The following ARHGEF3 variants were observed in gnomAD, a reference collection of about 807,000 sequenced individuals.
ARHGEF3 encodes the protein 59.8 kDA protein.
A neutral mutation model predicts 63.2 loss-of-function variants in ARHGEF3; 28 were observed. That is an observed-to-expected ratio of 0.44 (90% confidence interval 0.33 to 0.61). The LOEUF (loss-of-function observed/expected upper bound fraction) is 0.61, where lower values mean the gene tolerates loss of function less well. ARHGEF3 is among the 20% of genes least tolerant of loss of function. The pLI, the probability that ARHGEF3 is intolerant of heterozygous loss-of-function variation, is 0.03. For synonymous variants in ARHGEF3, 266 were observed against 254.2 expected (o/e 1.05, Z -0.44); for missense variants, 533 against 659.3 (o/e 0.81, Z 2.10).
intron 1 of ARHGEF3, among the ~76,000 whole-genome samples, chr3:56,780,140 CATT>C (rs1192655320): frequency 6.6e-6 from 1 of 152,198 alleles, no homozygotes; most frequent in Non-Finnish European, 1.5e-5. Flanking sequence ...ACCTCTGCTT[CATT>C]ATTCTGCCCA....
intron 3 of ARHGEF3, among the ~76,000 whole-genome samples, chr3:56,944,777 C>T (rs1362852618): frequency 1.3e-5 from 2 of 151,854 alleles, no homozygotes; most frequent in Admixed American, 6.6e-5. Flanking sequence ...CGGGGTTTCA[C>T]CATGCTGGCC....
chr3:57,015,173 A>G (rs76753694), intron 2 of ARHGEF3, among the ~76,000 whole-genome samples: 2,601 of 152,352 alleles, frequency 0.017, 37 homozygotes, highest in Non-Finnish European at 0.029. Context: ...GTAAATGACT[A>G]GGACTGCTTT....
chr3:56,774,610 A>G (rs1490094123), intron 1 of ARHGEF3, among the ~76,000 whole-genome samples: 1 of 152,212 alleles, frequency 6.6e-6, no homozygotes, highest in African/African-American at 2.4e-5. Flanking sequence ...ATAAATAAAA[A>G]TAACAGCCTG....
chr3:56,773,627 G>A, intron 2 of ARHGEF3, 82 bp downstream of exon 2: 1 of 1,228,660 alleles, frequency 8.1e-7, no homozygotes, highest in South Asian at 1.6e-5. Context: ...TTGAAACCAG[G>A]GGAAATTCTA....
intron 4 of ARHGEF3, among the ~76,000 whole-genome samples, chr3:56,860,839 G>A (rs930097004): frequency 3.9e-5 from 6 of 152,138 alleles, no homozygotes; most frequent in African/African-American, 1.2e-4. Flanking sequence ...TGATTAATAC[G>A]TGCCAAGTTC....
intron 1 of ARHGEF3, among the ~76,000 whole-genome samples, chr3:57,066,729 T>C (rs1174170795): frequency 6.6e-6 from 1 of 152,212 alleles, no homozygotes; most frequent in African/African-American, 2.4e-5. Context: ...TTTAAATCAG[T>C]GGACTTAGAG....
chr3:56,966,447 AT>A (rs1700498636), intron 2 of ARHGEF3, among the ~76,000 whole-genome samples: 1 of 152,194 alleles, frequency 6.6e-6, no homozygotes, highest in Admixed American at 6.5e-5. Flanking sequence ...ATGAAAATAT[AT>A]TGTGGATTTA....
chr3:56,821,454 C>G (rs2038491080), intron 4 of ARHGEF3, among the ~76,000 whole-genome samples: 1 of 152,146 alleles, frequency 6.6e-6, no homozygotes, highest in Non-Finnish European at 1.5e-5. Flanking sequence ...GGTGAGGGTA[C>G]AGTTTCTCCA....
At chr3:56,842,990 C>T (rs2039367640) in intron 4 of ARHGEF3, among the ~76,000 whole-genome samples, 1 of 152,196 alleles carries the variant, frequency 6.6e-6, no homozygotes, top group Admixed American at 6.5e-5. Flanking sequence ...AACCCTCAAA[C>T]TTCTAGTTAT....
intron 2 of ARHGEF3, among the ~76,000 whole-genome samples, chr3:56,762,132 A>G (rs1379056708): frequency 6.6e-6 from 1 of 152,102 alleles, no homozygotes; most frequent in East Asian, 1.9e-4. Context: ...GACATTGCCA[A>G]ATGTTCCTGG....
chr3:56,934,839 T>C (rs1442783748), intron 3 of ARHGEF3, among the ~76,000 whole-genome samples: 2 of 152,318 alleles, frequency 1.3e-5, no homozygotes, highest in East Asian at 1.9e-4. Context: ...ACCCAAGGGC[T>C]GAGGAGCGCG....
intron 4 of ARHGEF3, among the ~76,000 whole-genome samples, chr3:56,864,564 C>T (rs752876089): frequency 6.6e-6 from 1 of 152,154 alleles, no homozygotes; most frequent in Non-Finnish European, 1.5e-5. Context: ...TAACATCTGC[C>T]TCCATAATTG....
At chr3:56,874,829 TA>T (rs1241811396) in intron 4 of ARHGEF3, among the ~76,000 whole-genome samples, 2 of 152,206 alleles carry the variant, frequency 1.3e-5, no homozygotes, top group Non-Finnish European at 2.9e-5. Context: ...TAAATTTACA[TA>T]CTGTGACTTT....
chr3:56,856,366 A>C (rs1375865549), intron 4 of ARHGEF3, among the ~76,000 whole-genome samples: 1 of 152,248 alleles, frequency 6.6e-6, no homozygotes, highest in Admixed American at 6.5e-5. Flanking sequence ...CAGAGCTTTC[A>C]AGGGCTGACA....
intron 2 of ARHGEF3, among the ~76,000 whole-genome samples, chr3:56,996,887 A>ATTTTTT (rs199994465): frequency 1.6e-4 from 16 of 102,568 alleles, no homozygotes; most frequent in Middle Eastern, 5.0e-3. Context: ...TATTATTATT[A>ATTTTTT]TTATTTTTTT....
chr3:56,932,100 C>T (rs532823671), intron 3 of ARHGEF3, among the ~76,000 whole-genome samples: 2 of 152,264 alleles, frequency 1.3e-5, no homozygotes, highest in East Asian at 3.9e-4. Context: ...GGGATTTAGT[C>T]CAATTCATTG....
At chr3:56,758,414 A>T (rs1446242445) in intron 2 of ARHGEF3, among the ~76,000 whole-genome samples, 1 of 152,002 alleles carries the variant, frequency 6.6e-6, no homozygotes, top group Middle Eastern at 3.2e-3. Context: ...ACGTAGCAAG[A>T]CCTCATTTCA....
chr3:57,071,992 C>T (rs887845510), intron 1 of ARHGEF3, among the ~76,000 whole-genome samples: 5 of 152,088 alleles, frequency 3.3e-5, no homozygotes, highest in African/African-American at 1.2e-4. Context: ...AGAAGATACA[C>T]AAATGGCCAA....
intron 2 of ARHGEF3, among the ~76,000 whole-genome samples, chr3:56,758,637 G>A (rs2035240723): frequency 6.6e-6 from 1 of 152,104 alleles, no homozygotes; most frequent in South Asian, 2.1e-4. Context: ...CCAGCCCTAT[G>A]CAGGTCAAGA....
Sources: allele counts gnomAD v4.1 joint callset (sites outside exome capture counted in the v4.1 genomes callset), GRCh38; gene constraint gnomAD v4.1.1; transcripts MANE v1.5; gene names NCBI Gene and HGNC (gene_info 2026-07-23, HGNC 2026-07-21).